TAFA1: variants seen among roughly 807,000 people sequenced by gnomAD.
TAFA1 encodes chemokine-like protein TAFA-1.
TAFA1 carries 4 observed loss-of-function variants against 18.5 expected under a neutral mutation model. The ratio of observed to expected loss-of-function variants is 0.22; its 90% CI spans 0.11 to 0.49. TAFA1 has a LOEUF of 0.49. Among genes scored for constraint, TAFA1 ranks in the 20% least tolerant of loss-of-function variants. TAFA1 has a pLI of 0.98. For missense variants in TAFA1, 147 were observed against 169.0 expected (o/e 0.87, Z 0.72); for synonymous variants, 56 against 55.2 (o/e 1.01, Z -0.06).
intron 2 of TAFA1, among the ~76,000 whole-genome samples, chr3:68,398,599 T>C (rs1392333251): frequency 1.3e-5 from 2 of 152,192 alleles, no homozygotes; most frequent in Non-Finnish European, 2.9e-5. Context: ...AGATCCCATG[T>C]CAATCTCATT....
At chr3:68,382,972 T>C (rs1438926631) in intron 2 of TAFA1, among the ~76,000 whole-genome samples, 1 of 152,150 alleles carries the variant, frequency 6.6e-6, no homozygotes, top group Non-Finnish European at 1.5e-5. Flanking sequence ...CTGTTGTGAA[T>C]GTGATTGTGT....
chr3:68,310,950 G>A (rs115031113), intron 2 of TAFA1, among the ~76,000 whole-genome samples: 3,469 of 152,096 alleles, frequency 0.023, 65 homozygotes, highest in Middle Eastern at 0.071. Context: ...AGACACACCC[G>A]AGCCTGGGCA....
intron 2 of TAFA1, among the ~76,000 whole-genome samples, chr3:68,171,191 G>C (rs1377237831): frequency 2.0e-5 from 3 of 152,060 alleles, no homozygotes; most frequent in African/African-American, 7.2e-5. Context: ...GGAAGAGGGA[G>C]GTAAAAGAGT....
At chr3:68,066,144 G>A (rs1321100547) in intron 2 of TAFA1, among the ~76,000 whole-genome samples, 1 of 152,178 alleles carries the variant, frequency 6.6e-6, no homozygotes, top group Admixed American at 6.5e-5. Context: ...ACAGGTGAAT[G>A]CATATATCAA....
At chr3:68,229,471 A>G (rs1439225298) in intron 2 of TAFA1, among the ~76,000 whole-genome samples, 6 of 152,216 alleles carry the variant, frequency 3.9e-5, no homozygotes, top group Non-Finnish European at 7.3e-5. Context: ...AAAAATCCCA[A>G]CATAATCAAA....
chr3:68,204,717 A>C (rs554371938), intron 2 of TAFA1, among the ~76,000 whole-genome samples: 1 of 151,994 alleles, frequency 6.6e-6, no homozygotes, highest in African/African-American at 2.4e-5. Flanking sequence ...CTTCCCATAT[A>C]GAGCTCTAAC....
At chr3:68,495,681 A>T (rs2072533110) in intron 3 of TAFA1, among the ~76,000 whole-genome samples, 1 of 152,138 alleles carries the variant, frequency 6.6e-6, no homozygotes, top group South Asian at 2.1e-4. Context: ...GATCATTTTG[A>T]ATGATCTACA....
chr3:68,179,892 T>C (rs2066173789), intron 2 of TAFA1, among the ~76,000 whole-genome samples: 1 of 152,172 alleles, frequency 6.6e-6, no homozygotes. Context: ...TTTATTTGTA[T>C]GTATGCTTGT....
chr3:68,267,675 C>CT (rs5849810), intron 2 of TAFA1, among the ~76,000 whole-genome samples: 101 of 147,714 alleles, frequency 6.8e-4, no homozygotes, highest in Middle Eastern at 7.0e-3. Flanking sequence ...TTGAAGGATT[C>CT]TTTTTTTTTT....
chr3:68,009,469 C>T (rs1704428135), intron 2 of TAFA1, among the ~76,000 whole-genome samples: 1 of 152,170 alleles, frequency 6.6e-6, no homozygotes, highest in South Asian at 2.1e-4. Context: ...CGTGGTTGAT[C>T]TGTGCGTCAA....
chr3:68,267,674 T>G (rs2067574296), intron 2 of TAFA1, among the ~76,000 whole-genome samples: 2 of 152,232 alleles, frequency 1.3e-5, no homozygotes, highest in Middle Eastern at 3.4e-3. Flanking sequence ...TTTGAAGGAT[T>G]CTTTTTTTTT....
chr3:68,512,899 T>C (rs1330681244), intron 3 of TAFA1, among the ~76,000 whole-genome samples: 1 of 152,186 alleles, frequency 6.6e-6, no homozygotes, highest in African/African-American at 2.4e-5. Context: ...TGGAGAACTT[T>C]GTCCATCTCC....
chr3:68,491,128 T>A (rs1321741565), intron 3 of TAFA1, among the ~76,000 whole-genome samples: 1 of 152,196 alleles, frequency 6.6e-6, no homozygotes, highest in Non-Finnish European at 1.5e-5. Context: ...CATGACCCAC[T>A]GCAGCTGGCC....
the TAFA1 span, among the ~76,000 whole-genome samples, chr3:67,995,298 G>C: frequency 6.6e-6 from 1 of 152,154 alleles, no homozygotes; most frequent in South Asian, 2.1e-4. Flanking sequence ...CTGCAAATTG[G>C]AACCACTTAG....
chr3:68,477,269 A>G (rs536861884), intron 3 of TAFA1, among the ~76,000 whole-genome samples: 99 of 152,204 alleles, frequency 6.5e-4, no homozygotes, highest in Non-Finnish European at 1.1e-3. Flanking sequence ...CCTTCTCATT[A>G]CTATATAGAA....
chr3:68,367,365 G>T (rs965834224), intron 2 of TAFA1, among the ~76,000 whole-genome samples: 1 of 152,124 alleles, frequency 6.6e-6, no homozygotes, highest in African/African-American at 2.4e-5. Context: ...ATCTCTTTAG[G>T]CTTTAATAAT....
chr3:68,101,816 A>T (rs2065150886), intron 2 of TAFA1, among the ~76,000 whole-genome samples: 1 of 152,106 alleles, frequency 6.6e-6, no homozygotes, highest in Non-Finnish European at 1.5e-5. Flanking sequence ...AATTCCTCCT[A>T]TATCCAAGCA....
At chr3:68,206,242 A>C (rs541056844) in intron 2 of TAFA1, among the ~76,000 whole-genome samples, 3 of 151,908 alleles carry the variant, frequency 2.0e-5, no homozygotes, top group Non-Finnish European at 4.4e-5. Context: ...ATTTGAATTT[A>C]CTTCTATATC....
chr3:68,465,421 A>T (rs752606226), intron 3 of TAFA1, among the ~76,000 whole-genome samples: 1 of 152,154 alleles, frequency 6.6e-6, no homozygotes, highest in Non-Finnish European at 1.5e-5. Context: ...ATTAATTTGG[A>T]TGTTCCATTA....
Sources: gnomAD v4.1 joint callset for allele counts (sites outside exome capture counted in the v4.1 genomes callset) on GRCh38, gnomAD v4.1.1 for gene constraint, MANE v1.5 for transcripts, NCBI Gene and HGNC (gene_info 2026-07-23, HGNC 2026-07-21) for gene names.